MYLK4: variants seen among roughly 807,000 people sequenced by gnomAD.
MYLK4 encodes the protein myosin light chain kinase family member 4.
A neutral mutation model predicts 48.1 loss-of-function variants in MYLK4; 46 were observed. The ratio of observed to expected loss-of-function variants is 0.96; its 90% CI spans 0.75 to 1.22. MYLK4 has a LOEUF of 1.22. Ranked by LOEUF, MYLK4 falls within the 50% of genes most tolerant of loss-of-function variation. The probability of loss-of-function intolerance (pLI) is 0.00; values close to 1 mark genes in which losing one functional copy is unlikely to be tolerated. For missense variants in MYLK4, 451 were observed against 486.1 expected (o/e 0.93, Z 0.68); for synonymous variants, 170 against 180.8 (o/e 0.94, Z 0.48).
chr6:2,749,229 C>A lies in MYLK4; in HGVS notation c.66G>T (p.Met22Ile), dbSNP rs1454755086. ...CCTCTTCCCTGCACTGAAAAAAGGCCATTTTCTCCAGCTGGTTGCTGTTAT... is the reference window on the plus strand; with the variant it reads ...CCTCTTCCCTGCACTGAAAAAAGGCAATTTTCTCCAGCTGGTTGCTGTTAT... The part of the protein sequence containing the change: ...TCYNSNQLEK[M>I]AFFQCREEVE... Residue 22 changes from methionine (M) to isoleucine (I), a missense_variant, in exon 2 of 13, where the codon ATG (methionine) becomes ATT (isoleucine). Met to Ile is a conservative substitution (Grantham distance 10). Transcript: ENST00000274643. The A allele has an allele frequency of 1.2e-6, 2 of 1,613,928 alleles. No homozygotes were observed. The highest frequency in any genetic ancestry group is 1.7e-6 in the Non-Finnish European group (2 of 1,179,976).
chr6:2,765,867 A>G, the MYLK4 span: 7 of 1,443,014 alleles, frequency 4.9e-6, no homozygotes, highest in South Asian at 1.4e-5. Flanking sequence ...GCGCTGAAGC[A>G]GCCAGCCACC....
the MYLK4 span, among the ~76,000 whole-genome samples, chr6:2,761,397 A>T: frequency 2.6e-5 from 4 of 152,212 alleles, no homozygotes; most frequent in Non-Finnish European, 4.4e-5. Flanking sequence ...AGAAAGTTTA[A>T]ATTTGATTGG....
chr6:2,704,081 C>T (rs1762400374), intron 2 of MYLK4, among the ~76,000 whole-genome samples: 1 of 152,184 alleles, frequency 6.6e-6, no homozygotes. Context: ...ATTTCTGACT[C>T]CCTCAAGGCA....
chr6:2,763,642 G>A, the MYLK4 span, among the ~76,000 whole-genome samples: 2 of 152,218 alleles, frequency 1.3e-5, no homozygotes, highest in African/African-American at 4.8e-5. Context: ...TCCCGCCCGC[G>A]CCTCTCCCAC....
At chr6:2,707,795 T>C (rs1036096116) in intron 2 of MYLK4, among the ~76,000 whole-genome samples, 1 of 152,130 alleles carries the variant, frequency 6.6e-6, no homozygotes, top group East Asian at 1.9e-4. Flanking sequence ...TTCTATAAAA[T>C]TGAGACTTCA....
intron 2 of MYLK4, among the ~76,000 whole-genome samples, chr6:2,716,078 C>A (rs1582087065): frequency 6.6e-6 from 1 of 152,122 alleles, no homozygotes; most frequent in Non-Finnish European, 1.5e-5. Flanking sequence ...ACAGAAAATA[C>A]AGGAAGAATC....
intron 2 of MYLK4, among the ~76,000 whole-genome samples, chr6:2,728,805 A>G (rs149828094): frequency 1.8e-3 from 274 of 152,310 alleles, no homozygotes; most frequent in African/African-American, 6.2e-3. Flanking sequence ...ACCTCCCAAT[A>G]ACAGGGTCCC....
chr6:2,678,288 A>C lies in MYLK4; in HGVS notation c.972T>G (p.Asp324Glu). 1 of 1,614,124 alleles carries C rather than the reference A, an allele frequency of 6.2e-7. No homozygotes were observed. Among genetic ancestry groups the C allele is most frequent in the South Asian group, 1.1e-5 (1 of 91,068 alleles). ...NILACRWDLE[D>E]EEFQDISEEA... is the part of the protein sequence containing the mutation. ...CCTCCGAGATGTCCTGAAATTCTTC[A>C]TCCTCTAAGTCCCACCTGCAGGCCA... The change falls in exon 10 of 13, where the codon GAT becomes GAG. Residue 324 changes from aspartate to glutamate, a missense_variant. Asp to Glu is a conservative substitution (Grantham distance 45). Coordinates refer to ENST00000274643, the MANE Select transcript of MYLK4 (RefSeq NM_001012418.5).
At chr6:2,714,224 G>T (rs1446003983) in intron 2 of MYLK4, among the ~76,000 whole-genome samples, 5 of 152,166 alleles carry the variant, frequency 3.3e-5, no homozygotes, top group Non-Finnish European at 7.4e-5. Flanking sequence ...TGGCCCCATT[G>T]CTCATTAGCA....
chr6:2,761,757 T>C, the MYLK4 span, among the ~76,000 whole-genome samples: 1 of 152,172 alleles, frequency 6.6e-6, no homozygotes, highest in South Asian at 2.1e-4. Flanking sequence ...TCATAGGTCA[T>C]CCAAATAGCT....
intron 7 of MYLK4, among the ~76,000 whole-genome samples, chr6:2,681,532 G>A (rs569445529): frequency 2.6e-5 from 4 of 152,290 alleles, no homozygotes; most frequent in African/African-American, 9.6e-5. Context: ...TAGAGAAACC[G>A]TTTTGAGGGC....
intron 7 of MYLK4, among the ~76,000 whole-genome samples, chr6:2,681,676 C>T (rs1165331086): frequency 6.6e-6 from 1 of 152,192 alleles, no homozygotes; most frequent in African/African-American, 2.4e-5. Context: ...GACAATCACT[C>T]AATATTTTTG....
the MYLK4 span, chr6:2,766,412 C>A: frequency 3.8e-6 from 6 of 1,599,960 alleles, no homozygotes; most frequent in Admixed American, 8.5e-5. Flanking sequence ...AATCCCCTCG[C>A]TTATCCTGTG....
chr6:2,671,429 A>G (rs1161567421), intron 11 of MYLK4, 81 bp from the exon 12 acceptor site: 1 of 1,307,108 alleles, frequency 7.7e-7, no homozygotes, highest in African/African-American at 1.5e-5. Flanking sequence ...TGAAAAGACA[A>G]TCACTTGCTA....
Position 2,671,273 on chromosome 6 carries a change from A to G in MYLK4, c.*25+3T>C. The G allele has an allele frequency of 6.2e-7, 1 of 1,609,572 alleles. No homozygotes were observed. Among genetic ancestry groups the G allele is most frequent in the East Asian group, 2.2e-5 (1 of 44,862 alleles). On this transcript the variant is annotated splice_donor_region_variant and intron_variant, in intron 12 of 12. Transcript: ENST00000274643. ...ACACCTCTTCAGGAGACCCAAGACT[A>G]ACCTTCCAAATGGCTGCCTCCTGTA...
chr6:2,694,581 G>GC (rs1561846201), intron 2 of MYLK4, among the ~76,000 whole-genome samples: 44 of 89,186 alleles, frequency 4.9e-4, no homozygotes, highest in East Asian at 1.2e-3. Flanking sequence ...AGTGCTGCTG[G>GC]TGGTGGTGGT....
intron 2 of MYLK4, among the ~76,000 whole-genome samples, chr6:2,700,963 C>T (rs1320507714): frequency 2.0e-5 from 3 of 152,154 alleles, no homozygotes; most frequent in East Asian, 1.9e-4. Flanking sequence ...GATTCCGTCA[C>T]CAGAATAGCA....
At chr6:2,678,838 G>C (rs905496275) in intron 9 of MYLK4, among the ~76,000 whole-genome samples, 5 of 151,788 alleles carry the variant, frequency 3.3e-5, no homozygotes, top group African/African-American at 1.2e-4. Flanking sequence ...CGAGTAGCTG[G>C]GATTACAGGT....
chr6:2,676,355 G>A (rs964792511), intron 10 of MYLK4, among the ~76,000 whole-genome samples: 3 of 152,070 alleles, frequency 2.0e-5, no homozygotes, highest in African/African-American at 4.8e-5. Context: ...TAAAAACCTC[G>A]TGACCTCCAT....
Sources: gnomAD v4.1 joint callset for allele counts (sites outside exome capture counted in the v4.1 genomes callset) on GRCh38, gnomAD v4.1.1 for gene constraint, MANE v1.5 for transcripts, NCBI Gene and HGNC (gene_info 2026-07-23, HGNC 2026-07-21) for gene names.